The following STK10 variants were observed in gnomAD, a reference collection of about 807,000 sequenced individuals.
The protein encoded by STK10 is serine/threonine kinase 10.
In STK10, 78 loss-of-function variants were observed where a neutral mutation model predicts 113.8. That is an observed-to-expected ratio of 0.69 (90% confidence interval 0.57 to 0.83). The LOEUF is 0.83. STK10 is among the 40% of genes least tolerant of loss of function. The pLI is 0.00. For synonymous variants in STK10, 465 were observed against 494.7 expected (o/e 0.94, Z 0.80); for missense variants, 1,109 against 1,280.1 (o/e 0.87, Z 2.04).
chr5:172,131,235 C>T (rs975019582), intron 2 of STK10, among the ~76,000 whole-genome samples: 7 of 152,046 alleles, frequency 4.6e-5, no homozygotes, highest in African/African-American at 1.7e-4. Context: ...AGGGTTTCAC[C>T]GTGTTAGCCA....
At chr5:172,072,852 A>G (rs899535711) in intron 12 of STK10, among the ~76,000 whole-genome samples, 1 of 152,252 alleles carries the variant, frequency 6.6e-6, no homozygotes, top group Non-Finnish European at 1.5e-5. Flanking sequence ...TATGATGTCT[A>G]TGTAGAAAAT....
chr5:172,075,003 G>C (rs1008704472), intron 12 of STK10, among the ~76,000 whole-genome samples: 1 of 151,040 alleles, frequency 6.6e-6, no homozygotes, highest in Non-Finnish European at 1.5e-5. Context: ...CTGGGGGACC[G>C]AGTGAGACTC....
chr5:172,105,493 C>T (rs3111483), intron 7 of STK10, 163 bp downstream of exon 7: 77,247 of 711,388 alleles, frequency 0.11, 4,570 homozygotes, highest in East Asian at 0.13. Context: ...ACTCCCAACA[C>T]AGAGCTGGCA....
intron 14 of STK10, 85 bp downstream of exon 14, chr5:172,061,054 T>G: frequency 6.7e-7 from 1 of 1,486,096 alleles, no homozygotes; most frequent in Admixed American, 2.4e-5. Flanking sequence ...GCCTGGGAGG[T>G]TCTTGTTGCC....
intron 2 of STK10, among the ~76,000 whole-genome samples, chr5:172,128,583 G>C (rs997056613): frequency 6.6e-6 from 1 of 152,130 alleles, no homozygotes; most frequent in Non-Finnish European, 1.5e-5. Context: ...CACCCGCCCT[G>C]GCCTCCCAAA....
chr5:172,131,041 T>TC (rs1229580380), intron 2 of STK10, among the ~76,000 whole-genome samples: 1 of 147,938 alleles, frequency 6.8e-6, no homozygotes, highest in African/African-American at 2.5e-5. Flanking sequence ...TGTTTTTTTT[T>TC]TTTTTTTTTT....
chr5:172,086,802 C>T (rs1768571878), intron 10 of STK10, among the ~76,000 whole-genome samples: 1 of 152,166 alleles, frequency 6.6e-6, no homozygotes, highest in Non-Finnish European at 1.5e-5. Context: ...CCGGTTCCTG[C>T]CGAGCACCTC....
At chr5:172,049,273 G>A (rs549984328) in intron 18 of STK10, among the ~76,000 whole-genome samples, 38 of 152,262 alleles carry the variant, frequency 2.5e-4, no homozygotes, top group Admixed American at 7.8e-4. Context: ...TCAAGCTAAC[G>A]ATGACACACA....
Sources: gnomAD v4.1 joint callset for allele counts (sites outside exome capture counted in the v4.1 genomes callset) on GRCh38, gnomAD v4.1.1 for gene constraint, MANE v1.5 for transcripts, NCBI Gene and HGNC (gene_info 2026-07-23, HGNC 2026-07-21) for gene names.